Variants in ABLIM1 observed in about 807,000 individuals in gnomAD.
ABLIM1 encodes the protein actin-binding LIM protein 1.
In ABLIM1, 40 loss-of-function variants were observed where a neutral mutation model predicts 107.0. The observed-to-expected ratio is 0.37, with a 90% CI of 0.29 to 0.49. The LOEUF is 0.49. Among genes scored for constraint, ABLIM1 ranks in the 20% least tolerant of loss-of-function variants. ABLIM1 has a pLI of 0.97. For synonymous variants in ABLIM1, 357 were observed against 357.3 expected, an observed-to-expected ratio of 1.00 and a Z score of 0.01; for missense variants, 857 against 1,008.5, an observed-to-expected ratio of 0.85 and a Z score of 2.04.
At chr10:114,765,518 C>T (rs1391695617) in intron 1 of ABLIM1, among the ~76,000 whole-genome samples, 1 of 152,178 alleles carries the variant, frequency 6.6e-6, no homozygotes, top group African/African-American at 2.4e-5. Flanking sequence ...CATTAAGCTT[C>T]TGGTCCTATA....
At chr10:114,526,817 G>A (rs1236361380) in intron 6 of ABLIM1, 3 of 985,328 alleles carry the variant, frequency 3.0e-6, no homozygotes, top group Non-Finnish European at 3.6e-6. Flanking sequence ...TTACATATCA[G>A]GCTTCTCTCC....
At chr10:114,605,409 T>A (rs1452912442) in intron 1 of ABLIM1, among the ~76,000 whole-genome samples, 1 of 152,188 alleles carries the variant, frequency 6.6e-6, no homozygotes, top group Non-Finnish European at 1.5e-5. Flanking sequence ...AAAATTTACT[T>A]GACTGTTCCA....
At chr10:114,505,933 C>T (rs1407859292) in intron 6 of ABLIM1, among the ~76,000 whole-genome samples, 2 of 152,146 alleles carry the variant, frequency 1.3e-5, no homozygotes, top group East Asian at 3.8e-4. Context: ...TTGCATGTTG[C>T]TGAGGTCTGG....
At chr10:114,487,915 G>C in intron 8 of ABLIM1, 43 bp downstream of exon 8, 1 of 1,605,468 alleles carries the variant, frequency 6.2e-7, no homozygotes, top group Non-Finnish European at 8.5e-7. Context: ...CGAGCGTATG[G>C]CCTACAAATG....
intron 1 of ABLIM1, among the ~76,000 whole-genome samples, chr10:114,737,935 C>A (rs370638013): frequency 2.6e-5 from 4 of 152,068 alleles, no homozygotes; most frequent in Non-Finnish European, 2.9e-5. Context: ...CACTCTACTA[C>A]TACTTTTGTG....
At chr10:114,760,730 A>T (rs2082727868) in intron 1 of ABLIM1, among the ~76,000 whole-genome samples, 1 of 152,236 alleles carries the variant, frequency 6.6e-6, no homozygotes, top group African/African-American at 2.4e-5. Context: ...GTTCACAGAT[A>T]CAATGTGGGA....
chr10:114,727,656 T>C (rs767310717), intron 1 of ABLIM1, among the ~76,000 whole-genome samples: 10 of 152,184 alleles, frequency 6.6e-5, no homozygotes, highest in Non-Finnish European at 1.2e-4. Flanking sequence ...ATTGGCTATA[T>C]TAAAATTTAA....
chr10:114,544,849 A>G (rs1171313518), intron 6 of ABLIM1, among the ~76,000 whole-genome samples, 156 bp downstream of exon 6: 1 of 151,948 alleles, frequency 6.6e-6, no homozygotes, highest in Non-Finnish European at 1.5e-5. Flanking sequence ...AGGAGAGTGC[A>G]GCACCTTAAT....
At chr10:114,470,687 T>C (rs562752584) in intron 10 of ABLIM1, among the ~76,000 whole-genome samples, 4 of 152,284 alleles carry the variant, frequency 2.6e-5, no homozygotes, top group South Asian at 2.1e-4. Context: ...AAGCACTTAT[T>C]ATGTGCCCAG....
At chr10:114,687,965 C>G (rs894073372), upstream of ABLIM1, among the ~76,000 whole-genome samples, 1 of 152,026 alleles carries the variant, frequency 6.6e-6, no homozygotes, top group Non-Finnish European at 1.5e-5. Flanking sequence ...AATCATTGGT[C>G]CCATCCCAAG....
chr10:114,462,679 T>C (rs1380392615), intron 12 of ABLIM1, among the ~76,000 whole-genome samples: 1 of 152,170 alleles, frequency 6.6e-6, no homozygotes, highest in South Asian at 2.1e-4. Context: ...CTGAGACACG[T>C]TGCGTATTGA....
chr10:114,787,562 C>G, the ABLIM1 span, among the ~76,000 whole-genome samples: 2 of 149,510 alleles, frequency 1.3e-5, no homozygotes, highest in African/African-American at 4.9e-5. Context: ...GGCCAGCCAC[C>G]CCGTCCGGGA....
intron 6 of ABLIM1, among the ~76,000 whole-genome samples, chr10:114,492,924 C>T (rs1018919668): frequency 1.3e-5 from 2 of 152,098 alleles, no homozygotes; most frequent in African/African-American, 4.8e-5. Context: ...GTGGTTAGCC[C>T]TTTAAGATAA....
At chr10:114,529,145 A>G (rs1331007568) in intron 6 of ABLIM1, among the ~76,000 whole-genome samples, 4 of 137,058 alleles carry the variant, frequency 2.9e-5, no homozygotes, top group Non-Finnish European at 6.2e-5. Context: ...TTTTTTTTTG[A>G]GACAGAGTCT....
chr10:114,490,838 T>C (rs1202366280), intron 7 of ABLIM1, among the ~76,000 whole-genome samples: 2 of 150,868 alleles, frequency 1.3e-5, no homozygotes, highest in Non-Finnish European at 2.9e-5. Flanking sequence ...TTGTTTTTTT[T>C]CTTCCTTTTT....
rs1431950762 is a variant in ABLIM1 at position 114,440,957 on chromosome 10, C to G, written c.2059+60G>C. On this transcript the variant is annotated intron_variant, in intron 19 of 22. Transcript: ENST00000533213. ...GAACACAGCCAGTATACTTGACTCTCATGAACCTCAGCCTCGAGGGAAGAC... is the reference window on the plus strand; with the variant it reads ...GAACACAGCCAGTATACTTGACTCTGATGAACCTCAGCCTCGAGGGAAGAC... 32 of 1,499,886 alleles carry G rather than the reference C, an allele frequency of 2.1e-5. No individual in the cohort carries two copies. The Admixed American group carries it at 6.0e-4, about 28-fold the overall frequency. 92.9% of individuals were successfully genotyped at this position (1,499,886 alleles called of 1,614,324 possible).
At chr10:114,555,359 A>C (rs990576896) in intron 4 of ABLIM1, among the ~76,000 whole-genome samples, 1 of 152,202 alleles carries the variant, frequency 6.6e-6, no homozygotes, top group East Asian at 1.9e-4. Context: ...CCGGAAACTA[A>C]GGCCTGGAGT....
chr10:114,523,583 T>C (rs953203234), intron 6 of ABLIM1, among the ~76,000 whole-genome samples: 1 of 152,248 alleles, frequency 6.6e-6, no homozygotes, highest in Non-Finnish European at 1.5e-5. Context: ...TTCTGGGCCT[T>C]ATGAAGGCCC....
At chr10:114,512,773 C>T (rs898047244) in intron 6 of ABLIM1, among the ~76,000 whole-genome samples, 2 of 150,138 alleles carry the variant, frequency 1.3e-5, no homozygotes, top group African/African-American at 4.9e-5. Flanking sequence ...TGCGGTGAGC[C>T]GAGATCGTGC....
Sources: gnomAD v4.1 joint callset for allele counts (sites outside exome capture counted in the v4.1 genomes callset) on GRCh38, gnomAD v4.1.1 for gene constraint, MANE v1.5 for transcripts, NCBI Gene and HGNC (gene_info 2026-07-23, HGNC 2026-07-21) for gene names.